Variants in MCTP2 observed in about 807,000 individuals in gnomAD.
MCTP2 encodes the protein multiple C2 and transmembrane domain-containing protein 2.
In MCTP2, 132 loss-of-function variants were observed where a neutral mutation model predicts 111.6. The observed-to-expected ratio is 1.18, with a 90% CI of 1.03 to 1.37. The LOEUF is 1.37. MCTP2 is among the 40% of genes most tolerant of loss of function. The pLI is 0.00. For synonymous variants in MCTP2, 395 were observed against 387.7 expected, an observed-to-expected ratio of 1.02 and a Z score of -0.22; for missense variants, 1,183 against 1,067.9, an observed-to-expected ratio of 1.11 and a Z score of -1.50.
At chr15:94,446,943 A>G (rs118138558) in intron 19 of MCTP2, among the ~76,000 whole-genome samples, 72 of 152,370 alleles carry the variant, frequency 4.7e-4, no homozygotes, top group Non-Finnish European at 8.8e-4. Context: ...AGAAACATCT[A>G]ATCCATTTTT....
chr15:94,339,936 C>T (rs2077547288), intron 5 of MCTP2, among the ~76,000 whole-genome samples: 1 of 152,144 alleles, frequency 6.6e-6, no homozygotes, highest in Non-Finnish European at 1.5e-5. Flanking sequence ...GTCCATTGTG[C>T]ATAACATTTC....
chr15:94,355,245 T>C (rs1031250122), intron 8 of MCTP2, among the ~76,000 whole-genome samples: 6 of 152,350 alleles, frequency 3.9e-5, no homozygotes, highest in African/African-American at 1.2e-4. Flanking sequence ...TGGATTTTGC[T>C]TTAAGATATT....
intron 19 of MCTP2, among the ~76,000 whole-genome samples, chr15:94,444,186 A>G (rs2083988834): frequency 6.6e-6 from 1 of 152,136 alleles, no homozygotes; most frequent in Admixed American, 6.5e-5. Flanking sequence ...TTTACTGATT[A>G]TTATAAAGGA....
intron 17 of MCTP2, among the ~76,000 whole-genome samples, chr15:94,408,602 A>G (rs1236393078): frequency 6.6e-6 from 1 of 152,248 alleles, no homozygotes; most frequent in Admixed American, 6.5e-5. Context: ...GTTCTCAGGC[A>G]TTAACTAATT....
At chr15:94,355,030 G>A (rs2078538806) in intron 8 of MCTP2, among the ~76,000 whole-genome samples, 1 of 152,150 alleles carries the variant, frequency 6.6e-6, no homozygotes, top group South Asian at 2.1e-4. Context: ...TTCACTTACT[G>A]AACGGACAAC....
intron 1 of MCTP2, among the ~76,000 whole-genome samples, chr15:94,263,105 A>T (rs951581825): frequency 6.6e-6 from 1 of 152,208 alleles, no homozygotes; most frequent in African/African-American, 2.4e-5. Context: ...GGAGAGTCAG[A>T]CTCATGACTT....
Position 94,298,338 on chromosome 15 carries a change from A to G in MCTP2, c.73A>G (p.Lys25Glu), listed in dbSNP as rs2075371073. The part of the protein sequence containing the change: ...RTRPLLINLS[K>E]KKVKKNPSKP... Reference sequence around the variant, plus strand: ...CAGGCCATTGTTGATCAACTTGAGCAAGAAGAAGGTGAAAAAGAACCCAAG... The same window carrying G: ...CAGGCCATTGTTGATCAACTTGAGCGAGAAGAAGGTGAAAAAGAACCCAAG... The change falls in exon 2 of 23, where the codon AAG becomes GAG. Residue 25 changes from lysine to glutamate, a missense_variant. Physicochemically the swap from Lys to Glu is moderately conservative, Grantham distance 56. Coordinates refer to ENST00000357742, the MANE Select transcript of MCTP2 (RefSeq NM_001385001.1). 1 of 1,614,130 alleles carries G rather than the reference A, an allele frequency of 6.2e-7. No homozygotes were observed. The highest frequency in any genetic ancestry group is 8.5e-7 in the Non-Finnish European group (1 of 1,180,008).
At chr15:94,399,766 T>A in intron 15 of MCTP2, 155 bp from the exon 16 acceptor site, 1 of 637,580 alleles carries the variant, frequency 1.6e-6, no homozygotes, top group Non-Finnish European at 2.8e-6. Context: ...TCCAGAAACA[T>A]GTACAGGGCA....
intron 20 of MCTP2, 115 bp from the exon 21 acceptor site, chr15:94,470,218 C>A: frequency 1.3e-6 from 1 of 763,208 alleles, no homozygotes; most frequent in South Asian, 1.8e-5. Context: ...AAAATTTTTC[C>A]AATAGACTGT....
At chr15:94,331,895 A>G (rs2077149776) in intron 4 of MCTP2, among the ~76,000 whole-genome samples, 1 of 152,226 alleles carries the variant, frequency 6.6e-6, no homozygotes, top group African/African-American at 2.4e-5. Context: ...GAAGGCCAGT[A>G]GAAGACTGGG....
chr15:94,385,532 T>G lies in MCTP2; in HGVS notation c.1788+7T>G. On this transcript the variant is annotated splice_region_variant and intron_variant, in intron 14 of 22. Coordinates refer to ENST00000357742, the MANE Select transcript of MCTP2 (RefSeq NM_001385001.1). ...TGCCATTCCCTTGCTGTCCGTAAGTTTCCTTTATTAATAAACAATTTGTGA... is the reference window on the plus strand; with the variant it reads ...TGCCATTCCCTTGCTGTCCGTAAGTGTCCTTTATTAATAAACAATTTGTGA... 4 of 1,580,504 alleles carry G rather than the reference T, an allele frequency of 2.5e-6. No homozygotes were observed. Among genetic ancestry groups the G allele is most frequent in the Non-Finnish European group, 3.5e-6 (4 of 1,149,888 alleles).
intron 17 of MCTP2, among the ~76,000 whole-genome samples, chr15:94,428,349 G>A (rs2082993104): frequency 6.6e-6 from 1 of 152,132 alleles, no homozygotes; most frequent in Non-Finnish European, 1.5e-5. Flanking sequence ...CTGTTGCTTT[G>A]AGGAATAAAG....
rs144734411 is a variant in MCTP2, at chr15:94,443,361, G to C, written c.2250+401G>C. Among the ~76,000 whole-genome samples the C allele has an allele frequency of 2.7e-3, 410 of 152,256 alleles. 3 individuals carry two copies. Among genetic ancestry groups the C allele is most frequent in the African/African-American group, 9.4e-3 (389 of 41,560 alleles). Reference sequence around the variant, plus strand: ...CACTTCCGCGCCTGTCATTTTCCCAGCTGTTCCTGGCAGCGTTTTCAGCTA... The same window carrying C: ...CACTTCCGCGCCTGTCATTTTCCCACCTGTTCCTGGCAGCGTTTTCAGCTA... On this transcript the variant is annotated intron_variant, in intron 19 of 22. Coordinates refer to ENST00000357742, the MANE Select transcript of MCTP2 (RefSeq NM_001385001.1).
At chr15:94,262,200 A>G (rs1328619461) in intron 1 of MCTP2, among the ~76,000 whole-genome samples, 1 of 152,202 alleles carries the variant, frequency 6.6e-6, no homozygotes, top group Non-Finnish European at 1.5e-5. Context: ...GAAACTTTAT[A>G]ATAGTCTTAT....
chr15:94,362,710 C>A (rs2152431339), intron 10 of MCTP2, among the ~76,000 whole-genome samples: 1 of 152,244 alleles, frequency 6.6e-6, no homozygotes, highest in Non-Finnish European at 1.5e-5. Flanking sequence ...AAAAGCTGAC[C>A]AGTCTGTAAT....
intron 1 of MCTP2, among the ~76,000 whole-genome samples, chr15:94,245,365 T>C (rs1327115396): frequency 7.2e-6 from 1 of 139,292 alleles, no homozygotes; most frequent in Non-Finnish European, 1.5e-5. Flanking sequence ...TGTATATATA[T>C]TTACATACAT....
intron 2 of MCTP2, 44 bp downstream of exon 2, chr15:94,298,774 C>A: frequency 7.6e-7 from 1 of 1,321,468 alleles, no homozygotes; most frequent in Non-Finnish European, 1.0e-6. Flanking sequence ...CTCTCTCTCT[C>A]TCTCTCTTTC....
At chr15:94,318,927 T>G (rs182643927) in intron 4 of MCTP2, among the ~76,000 whole-genome samples, 1 of 152,314 alleles carries the variant, frequency 6.6e-6, no homozygotes, top group East Asian at 1.9e-4. Context: ...TGGCTTTTAT[T>G]TTGTGCAAAC....
intron 21 of MCTP2, chr15:94,476,492 G>A (rs1052583711): frequency 7.1e-6 from 3 of 420,606 alleles, no homozygotes; most frequent in African/African-American, 2.1e-5. Flanking sequence ...ACATGTGCTT[G>A]ACTTGAGGTC....
Sources: gnomAD v4.1 joint callset for allele counts (sites outside exome capture counted in the v4.1 genomes callset) on GRCh38, gnomAD v4.1.1 for gene constraint, MANE v1.5 for transcripts, NCBI Gene and HGNC (gene_info 2026-07-23, HGNC 2026-07-21) for gene names.